DZIP1: variants seen among roughly 807,000 people sequenced by gnomAD.
DZIP1 encodes the protein cilium assembly protein DZIP1.
A neutral mutation model predicts 107.6 loss-of-function variants in DZIP1; 97 were observed. The observed-to-expected ratio is 0.90, with a 90% CI of 0.77 to 1.07. The LOEUF is 1.07. Among genes scored for constraint, DZIP1 ranks in the 50% least tolerant of loss-of-function variants. The pLI is 0.00. For missense variants in DZIP1, 1,035 were observed against 1,063.6 expected, an observed-to-expected ratio of 0.97 and a Z score of 0.37; for synonymous variants, 390 against 386.4, an observed-to-expected ratio of 1.01 and a Z score of -0.11.
At chr13:95,619,513 A>G (rs1245118195) in intron 10 of DZIP1, among the ~76,000 whole-genome samples, 5 of 152,252 alleles carry the variant, frequency 3.3e-5, no homozygotes, top group Admixed American at 2.0e-4. Flanking sequence ...AATGATACCA[A>G]TGCATCGTAA....
intron 15 of DZIP1, among the ~76,000 whole-genome samples, chr13:95,594,668 T>C (rs903161788): frequency 1.2e-4 from 18 of 152,168 alleles, no homozygotes; most frequent in African/African-American, 4.3e-4. Context: ...TTTTTCAAAG[T>C]TTTTTAGTTA....
Position 95,630,020 on chromosome 13 carries a change from G to T in DZIP1, c.779C>A (p.Ala260Glu). 2 of 1,613,492 alleles carry T rather than the reference G, an allele frequency of 1.2e-6. No homozygotes were observed. Among genetic ancestry groups the T allele is most frequent in the Non-Finnish European group, 1.7e-6 (2 of 1,179,778 alleles). Residue 260 changes from alanine (A) to glutamate (E), a missense_variant, in exon 7 of 23, where the codon GCA (alanine) becomes GAA (glutamate). Ala to Glu is a moderately radical substitution (Grantham distance 107). Transcript: ENST00000376829. ...LQLTRSELEA[A>E]HHASAVRFSK... ...GAATCTGACTGCACTGGCATGGTGT[G>T]CAGCCTCTAGCTCAGACCTGGTGAG...
At chr13:95,611,905 C>T in intron 11 of DZIP1, 132 bp downstream of exon 11, 1 of 1,151,326 alleles carries the variant, frequency 8.7e-7, no homozygotes, top group Non-Finnish European at 1.2e-6. Flanking sequence ...CTTTTACAAG[C>T]AATCACAAGG....
intron 13 of DZIP1, among the ~76,000 whole-genome samples, chr13:95,606,325 A>G (rs2044775458): frequency 6.6e-6 from 1 of 152,134 alleles, no homozygotes; most frequent in Non-Finnish European, 1.5e-5. Flanking sequence ...CCACTGTCTA[A>G]TTCTCGAACA....
At position 95,581,542 on chromosome 13, in the gene DZIP1, A is replaced by T. The variant is rs2044013378; in HGVS notation, c.*692T>A. The T allele has an allele frequency of 6.6e-6, 1 of 152,228 alleles. No homozygotes were observed. Among genetic ancestry groups the T allele is most frequent in the South Asian group, 2.1e-4 (1 of 4,836 alleles). The allele number at this position is 152,228 out of a possible 1,614,324, so 9.4% of individuals were successfully genotyped here. On this transcript the variant is annotated 3_prime_UTR_variant, in exon 23 of 23. Transcript: ENST00000376829. ...CTGAATGTGACAAATGTACTCCAGG[A>T]AAATGTATTTAACATTGGACCTAGC...
chr13:95,579,643 C>CTGAAG lies in DZIP1; in HGVS notation c.*2586_*2590dup, dbSNP rs2138707021. ...CAACGTGGGTGAATGTAGTATTTTC[C>CTGAAG]TGAAGTGTGAAAGACTTAAAAAAAA... On this transcript the variant is annotated 3_prime_UTR_variant, in exon 23 of 23. Coordinates refer to ENST00000376829, the MANE Select transcript of DZIP1 (RefSeq NM_198968.4). 6.6e-6 allele frequency: 1 copy of CTGAAG among 152,034 alleles called. No individual in the cohort carries two copies. The highest frequency in any genetic ancestry group is 1.5e-5 in the Non-Finnish European group (1 of 68,020). 9.4% of individuals were successfully genotyped at this position (152,034 alleles called of 1,614,324 possible). A position where few individuals can be genotyped will look rare whatever the true frequency, so the allele number is the denominator to read the frequency against.
intron 10 of DZIP1, among the ~76,000 whole-genome samples, chr13:95,618,538 C>A (rs927188564): frequency 3.3e-5 from 5 of 152,166 alleles, no homozygotes; most frequent in Non-Finnish European, 4.4e-5. Flanking sequence ...ACTTTCCCAT[C>A]GAAGTTCCTC....
chr13:95,610,687 C>G (rs2044970822), intron 12 of DZIP1, among the ~76,000 whole-genome samples: 1 of 152,158 alleles, frequency 6.6e-6, no homozygotes, highest in Admixed American at 6.5e-5. Context: ...ATCCTCATAA[C>G]AAGCCTATGA....
chr13:95,597,411 G>A (rs978555836), intron 15 of DZIP1, among the ~76,000 whole-genome samples: 8 of 152,350 alleles, frequency 5.3e-5, no homozygotes, highest in African/African-American at 9.6e-5. Context: ...ATGTAGGAGA[G>A]CGGAAGCATG....
At chr13:95,584,134 G>A (rs957808024) in intron 22 of DZIP1, among the ~76,000 whole-genome samples, 1 of 151,760 alleles carries the variant, frequency 6.6e-6, no homozygotes, top group Non-Finnish European at 1.5e-5. Context: ...GCACCACCAT[G>A]CCCAACTAAT....
In DZIP1 at chr13:95,586,146, C is replaced by A; in HGVS notation, c.2219-10G>T. On this transcript the variant is annotated splice_polypyrimidine_tract_variant and intron_variant, in intron 20 of 22. Coordinates refer to ENST00000376829, the MANE Select transcript of DZIP1 (RefSeq NM_198968.4). ...GTTTTAACGGCGACTCCTATAAGAT[C>A]AATAAAAATTAGGCAAGTTAAGTAT... The A allele has an allele frequency of 1.3e-6, 2 of 1,577,590 alleles. No homozygotes were observed. Among genetic ancestry groups the A allele is most frequent in the South Asian group, 2.4e-5 (2 of 84,024 alleles).
At chr13:95,585,944 G>C in intron 21 of DZIP1, 62 bp downstream of exon 21, 1 of 1,484,914 alleles carries the variant, frequency 6.7e-7, no homozygotes, top group Non-Finnish European at 9.0e-7. Context: ...CAAAAAGTGT[G>C]ACCATTAAGG....
chr13:95,635,340 G>A (rs888551100), intron 5 of DZIP1, among the ~76,000 whole-genome samples: 4 of 151,920 alleles, frequency 2.6e-5, no homozygotes, highest in East Asian at 3.9e-4. Context: ...GAGATTACAG[G>A]TGCCCGCCAC....
At chr13:95,626,158 A>G (rs929058175) in intron 7 of DZIP1, among the ~76,000 whole-genome samples, 1 of 151,964 alleles carries the variant, frequency 6.6e-6, no homozygotes, top group African/African-American at 2.4e-5. Flanking sequence ...AAGAAGAAGA[A>G]AAATCTTAAA....
intron 20 of DZIP1, 118 bp from the exon 21 acceptor site, chr13:95,586,254 T>C (rs2044158223): frequency 1.3e-6 from 1 of 794,106 alleles, no homozygotes; most frequent in Admixed American, 3.9e-5. Flanking sequence ...TAATTATGTA[T>C]TATTAAAATA....
At chr13:95,619,257 T>A (rs1215581009) in intron 10 of DZIP1, among the ~76,000 whole-genome samples, 1 of 152,162 alleles carries the variant, frequency 6.6e-6, no homozygotes, top group Non-Finnish European at 1.5e-5. Flanking sequence ...AAAACATAAT[T>A]CGAATGTTGT....
chr13:95,622,336 C>T lies in DZIP1; in HGVS notation c.1110+7G>A, dbSNP rs779522206. The T allele has an allele frequency of 1.9e-6, 3 of 1,614,174 alleles. No homozygotes were observed. Among genetic ancestry groups the T allele is most frequent in the Admixed American group, 1.7e-5 (1 of 60,018 alleles). ...ATCCACTGCAGCTGTCACCCACTTG[C>T]ACGTACCTGACTATCAAGAAGCTGC... is the stretch of plus-strand genomic sequence containing the variant. On this transcript the variant is annotated splice_region_variant and intron_variant, in intron 9 of 22. Coordinates refer to ENST00000376829, the MANE Select transcript of DZIP1 (RefSeq NM_198968.4).
chr13:95,624,999 G>T, intron 7 of DZIP1, 70 bp from the exon 8 acceptor site: 1 of 1,349,826 alleles, frequency 7.4e-7, no homozygotes, highest in Non-Finnish European at 1.0e-6. Context: ...TAAAATAAAA[G>T]TTCATAGCAT....
In DZIP1 at chr13:95,586,252, T is replaced by C. The variant is rs564816391; in HGVS notation, c.2219-116A>G. On this transcript the variant is annotated intron_variant, in intron 20 of 22. Coordinates refer to ENST00000376829, the MANE Select transcript of DZIP1 (RefSeq NM_198968.4). Reference sequence around the variant, plus strand: ...AGTCTAAGCTTTGGAAGTAATTATGTATTATTAAAATAAAATCAGTTGATG... The same window carrying C: ...AGTCTAAGCTTTGGAAGTAATTATGCATTATTAAAATAAAATCAGTTGATG... The C allele has an allele frequency of 1.3e-4, 108 of 807,766 alleles. No homozygotes were observed. The African/African-American group carries it at 1.6e-3, about 12-fold the overall frequency. The allele number at this position is 807,766 out of a possible 1,614,324, so 50.0% of individuals were successfully genotyped here.
Sources: gnomAD v4.1 joint callset for allele counts (sites outside exome capture counted in the v4.1 genomes callset) on GRCh38, gnomAD v4.1.1 for gene constraint, MANE v1.5 for transcripts, NCBI Gene and HGNC (gene_info 2026-07-23, HGNC 2026-07-21) for gene names.